Variants in TMEM135 observed in about 807,000 individuals in gnomAD.
TMEM135 encodes the protein transmembrane protein 135, also known as peroxisomal membrane protein 52.
A neutral mutation model predicts 60.3 loss-of-function variants in TMEM135; 30 were observed. The observed-to-expected ratio is 0.50, with a 90% CI of 0.37 to 0.68. The LOEUF is 0.68. Ranked by LOEUF, TMEM135 falls within the 30% of genes least tolerant of loss-of-function variation. TMEM135 has a pLI of 0.00. For synonymous variants in TMEM135, 190 were observed against 186.7 expected (o/e 1.02, Z -0.14); for missense variants, 468 against 548.8 (o/e 0.85, Z 1.47).
rs954609580 is a variant in TMEM135, at chr11:87,070,106, C to A, written c.270-1417C>A. 2.6e-5 allele frequency among the ~76,000 whole-genome samples: 4 copies of A among 151,862 alleles called. 1 individual carries two copies. The highest frequency in any genetic ancestry group is 5.9e-5 in the Non-Finnish European group (4 of 67,970). ...GAGGATCCCTTGAACCCAGGAATTT[C>A]GGGCTACAGTGAACCATGATTGTAG... On this transcript the variant is annotated intron_variant, in intron 2 of 14. Coordinates refer to ENST00000305494, the MANE Select transcript of TMEM135 (RefSeq NM_022918.4).
chr11:87,186,399 G>T (rs1048530188), intron 5 of TMEM135, among the ~76,000 whole-genome samples: 12 of 152,068 alleles, frequency 7.9e-5, no homozygotes, highest in African/African-American at 2.7e-4. Flanking sequence ...CTTCACAAAA[G>T]GATTTTTAAC....
chr11:87,042,059 A>G (rs1949754467), intron 1 of TMEM135, among the ~76,000 whole-genome samples: 1 of 152,246 alleles, frequency 6.6e-6, no homozygotes, highest in African/African-American at 2.4e-5. Flanking sequence ...ATGGATTAAT[A>G]GGAGAAAGGG....
intron 5 of TMEM135, among the ~76,000 whole-genome samples, chr11:87,229,777 G>T (rs1940849556): frequency 6.6e-6 from 1 of 152,078 alleles, no homozygotes; most frequent in African/African-American, 2.4e-5. Flanking sequence ...TTTATTTGAT[G>T]TGTATCTATG....
intron 1 of TMEM135, among the ~76,000 whole-genome samples, chr11:87,046,520 A>G (rs747187329): frequency 3.3e-5 from 5 of 152,252 alleles, no homozygotes; most frequent in Non-Finnish European, 5.9e-5. Context: ...AGTGCTGTGG[A>G]AAAAATATTT....
At chr11:87,087,684 A>G (rs1291942046) in intron 3 of TMEM135, among the ~76,000 whole-genome samples, 1 of 152,154 alleles carries the variant, frequency 6.6e-6, no homozygotes, top group Non-Finnish European at 1.5e-5. Flanking sequence ...TTATTTTCAC[A>G]TAGGCTTTTA....
chr11:87,309,780 A>G (rs1244888793), intron 10 of TMEM135, 108 bp downstream of exon 10: 4 of 1,200,442 alleles, frequency 3.3e-6, no homozygotes, highest in Non-Finnish European at 4.8e-6. Context: ...TTTCTGGAAT[A>G]TTCATACATA....
chr11:87,326,911 CTTTTT>C lies in TMEM135; in HGVS notation c.*5593_*5597del, dbSNP rs11332885. 4.2e-4 allele frequency: 163 copies of C among 391,826 alleles called. No individual in the cohort carries two copies. The highest frequency in any genetic ancestry group is 8.5e-4 in the Middle Eastern group (1 of 1,182). 24.3% of individuals were successfully genotyped at this position (391,826 alleles called of 1,614,324 possible). A position where few individuals can be genotyped will look rare whatever the true frequency, so the allele number is the denominator to read the frequency against. ...AGGCATCATTGAATCATCTGAGGAC[CTTTTT>C]TTTTTTTTTTTTTTCACTAAAACGC... is the stretch of plus-strand genomic sequence containing the variant. On this transcript the variant is annotated 3_prime_UTR_variant, in exon 15 of 15. Coordinates refer to ENST00000305494, the MANE Select transcript of TMEM135 (RefSeq NM_022918.4).
intron 6 of TMEM135, among the ~76,000 whole-genome samples, chr11:87,286,574 G>A (rs1401152024): frequency 2.6e-5 from 4 of 152,232 alleles, no homozygotes; most frequent in Non-Finnish European, 4.4e-5. Flanking sequence ...AGCAGGGGGC[G>A]GCGCCCGTCA....
chr11:87,143,277 A>G (rs896395954), intron 4 of TMEM135, among the ~76,000 whole-genome samples: 1 of 152,024 alleles, frequency 6.6e-6, no homozygotes, highest in African/African-American at 2.4e-5. Context: ...GCATATTTAT[A>G]AAAGCTATTT....
At chr11:87,236,056 T>C (rs918072762) in intron 5 of TMEM135, among the ~76,000 whole-genome samples, 1 of 151,954 alleles carries the variant, frequency 6.6e-6, no homozygotes, top group African/African-American at 2.4e-5. Flanking sequence ...CTGAACTGAT[T>C]ATACAAAAGC....
intron 5 of TMEM135, among the ~76,000 whole-genome samples, chr11:87,161,180 G>A (rs1190446109): frequency 1.3e-5 from 2 of 152,204 alleles, no homozygotes; most frequent in Non-Finnish European, 2.9e-5. Context: ...TTACAGGCAT[G>A]AGCCGCTGTG....
At chr11:87,279,245 C>T (rs989388111) in intron 6 of TMEM135, among the ~76,000 whole-genome samples, 1 of 152,086 alleles carries the variant, frequency 6.6e-6, no homozygotes, top group Non-Finnish European at 1.5e-5. Flanking sequence ...TGTAGTGATA[C>T]ATCTTTTAGA....
intron 1 of TMEM135, among the ~76,000 whole-genome samples, chr11:87,066,246 T>A (rs1338882291): frequency 6.6e-6 from 1 of 152,198 alleles, no homozygotes; most frequent in Admixed American, 6.5e-5. Context: ...ACCTTTTTGG[T>A]TATGTTGTTT....
intron 3 of TMEM135, among the ~76,000 whole-genome samples, chr11:87,082,933 T>G (rs1054700183): frequency 2.0e-5 from 3 of 152,224 alleles, no homozygotes; most frequent in African/African-American, 4.8e-5. Context: ...CAAAAAGTAT[T>G]TAATGAGGTG....
intron 5 of TMEM135, among the ~76,000 whole-genome samples, chr11:87,200,935 A>C (rs901443338): frequency 2.0e-5 from 3 of 152,342 alleles, no homozygotes; most frequent in African/African-American, 7.2e-5. Flanking sequence ...AATATTTAAT[A>C]ATAGGCATTC....
chr11:87,088,727 C>T (rs2445568), intron 3 of TMEM135, among the ~76,000 whole-genome samples: 82,998 of 152,016 alleles, frequency 0.55, 23,416 homozygotes, highest in East Asian at 0.71. Flanking sequence ...TATTAGAAAC[C>T]TGCATTTAAG....
chr11:87,067,308 C>G (rs1448703285), intron 1 of TMEM135, among the ~76,000 whole-genome samples: 2 of 150,722 alleles, frequency 1.3e-5, no homozygotes, highest in Admixed American at 6.6e-5. Flanking sequence ...GTGAAGTTCT[C>G]TAATAGTAAT....
chr11:87,220,123 C>T (rs1336294846), intron 5 of TMEM135, among the ~76,000 whole-genome samples: 5 of 152,070 alleles, frequency 3.3e-5, no homozygotes, highest in Non-Finnish European at 7.4e-5. Context: ...CCACAAATGC[C>T]GGTTTATAAT....
intron 5 of TMEM135, among the ~76,000 whole-genome samples, chr11:87,190,983 C>A (rs1190427714): frequency 1.3e-5 from 2 of 152,010 alleles, no homozygotes; most frequent in Non-Finnish European, 2.9e-5. Context: ...CTTCATTATT[C>A]CATACTATAG....
Sources: gnomAD v4.1 joint callset for allele counts (sites outside exome capture counted in the v4.1 genomes callset) on GRCh38, gnomAD v4.1.1 for gene constraint, MANE v1.5 for transcripts, NCBI Gene and HGNC (gene_info 2026-07-23, HGNC 2026-07-21) for gene names.